MAST2: variants seen among roughly 807,000 people sequenced by gnomAD.
MAST2 encodes microtubule-associated serine/threonine-protein kinase 2.
A neutral mutation model predicts 147.4 loss-of-function variants in MAST2; 70 were observed. The observed-to-expected ratio is 0.47, with a 90% CI of 0.39 to 0.58. The LOEUF is 0.58. Among genes scored for constraint, MAST2 ranks in the 20% least tolerant of loss-of-function variants. The pLI, the probability that MAST2 is intolerant of heterozygous loss-of-function variation, is 0.00. For missense variants in MAST2, 2,080 were observed against 2,302.3 expected, an observed-to-expected ratio of 0.90 and a Z score of 1.98; for synonymous variants, 869 against 896.8, an observed-to-expected ratio of 0.97 and a Z score of 0.55.
intron 4 of MAST2, among the ~76,000 whole-genome samples, chr1:45,934,369 C>T (rs1368124862): frequency 6.6e-6 from 1 of 152,144 alleles, no homozygotes; most frequent in Non-Finnish European, 1.5e-5. Context: ...GCCTGTATTT[C>T]CAGCTACTCG....
chr1:45,848,599 T>G (rs530982121), intron 3 of MAST2, among the ~76,000 whole-genome samples: 10 of 152,334 alleles, frequency 6.6e-5, no homozygotes, highest in African/African-American at 1.9e-4. Flanking sequence ...CTCATGCACC[T>G]TTTCCATATG....
At chr1:45,804,854 G>A (rs1644092234) in intron 1 of MAST2, among the ~76,000 whole-genome samples, 1 of 152,224 alleles carries the variant, frequency 6.6e-6, no homozygotes, top group Admixed American at 6.5e-5. Context: ...GCGGTAATAA[G>A]TTTAGTGAAA....
chr1:46,006,904 A>G (rs904117918), intron 8 of MAST2, among the ~76,000 whole-genome samples: 2 of 152,228 alleles, frequency 1.3e-5, no homozygotes, highest in Admixed American at 1.3e-4. Flanking sequence ...CCCTGGGTGT[A>G]TGATCTAGGC....
intron 4 of MAST2, among the ~76,000 whole-genome samples, chr1:45,909,933 C>T (rs1352307319): frequency 6.6e-6 from 1 of 152,062 alleles, no homozygotes; most frequent in Non-Finnish European, 1.5e-5. Context: ...CTGCCTCAGC[C>T]AGGCTGGTCT....
chr1:45,875,259 A>G (rs1646555512), intron 3 of MAST2, among the ~76,000 whole-genome samples: 1 of 152,198 alleles, frequency 6.6e-6, no homozygotes, highest in African/African-American at 2.4e-5. Context: ...CAGCCTTACC[A>G]ACATGGGGAA....
chr1:45,982,047 C>T (rs529099216), intron 5 of MAST2, among the ~76,000 whole-genome samples: 7 of 152,204 alleles, frequency 4.6e-5, no homozygotes, highest in East Asian at 3.9e-4. Flanking sequence ...CGGAGTTTCA[C>T]CATGTTTGCC....
intron 16 of MAST2, among the ~76,000 whole-genome samples, chr1:46,026,374 G>A (rs1375111007): frequency 1.3e-5 from 2 of 152,224 alleles, no homozygotes; most frequent in Middle Eastern, 3.2e-3. Context: ...CGACAGCTTA[G>A]ATGGTGAGAG....
chr1:45,940,613 G>C (rs957611395), intron 4 of MAST2, among the ~76,000 whole-genome samples: 2 of 149,768 alleles, frequency 1.3e-5, no homozygotes, highest in Non-Finnish European at 3.0e-5. Flanking sequence ...GCAAAGAGAA[G>C]GTTGAGGATT....
chr1:46,033,134 C>T (rs1383193289), intron 26 of MAST2, among the ~76,000 whole-genome samples: 1 of 151,982 alleles, frequency 6.6e-6, no homozygotes, highest in African/African-American at 2.4e-5. Context: ...ATTAGCCAAG[C>T]GTGGTGGTAG....
intron 6 of MAST2, 74 bp downstream of exon 6, chr1:45,997,873 C>A: frequency 8.1e-7 from 1 of 1,240,996 alleles, no homozygotes; most frequent in Non-Finnish European, 1.2e-6. Context: ...ATGTCAGATT[C>A]CTCCTTTAAG....
At chr1:46,033,177 G>A (rs1015516735) in intron 26 of MAST2, among the ~76,000 whole-genome samples, 4 of 151,946 alleles carry the variant, frequency 2.6e-5, no homozygotes, top group Admixed American at 2.0e-4. Context: ...GGGAGGCTGA[G>A]GAAGGAGAAT....
At chr1:45,815,092 T>C (rs577710980) in intron 1 of MAST2, among the ~76,000 whole-genome samples, 3 of 152,192 alleles carry the variant, frequency 2.0e-5, no homozygotes, top group Non-Finnish European at 4.4e-5. Context: ...GCATATATCC[T>C]TTAACCATTA....
intron 3 of MAST2, among the ~76,000 whole-genome samples, chr1:45,858,422 T>C (rs1645864337): frequency 6.6e-6 from 1 of 152,138 alleles, no homozygotes; most frequent in Non-Finnish European, 1.5e-5. Flanking sequence ...TTTTGAGAAG[T>C]GTCTGTTCAT....
chr1:45,881,770 G>A (rs953028361), intron 3 of MAST2, among the ~76,000 whole-genome samples: 2 of 151,900 alleles, frequency 1.3e-5, no homozygotes, highest in African/African-American at 4.8e-5. Flanking sequence ...ATCTACACTG[G>A]GGAGATGGTT....
Position 46,031,597 on chromosome 1 carries a change from G to T in MAST2, c.3187+12G>T. 1.2e-6 allele frequency: 2 copies of T among 1,604,594 alleles called. No homozygotes were observed. On this transcript the variant is annotated intron_variant, in intron 24 of 28. Transcript: ENST00000361297. The surrounding 1 kb of genome is among the most constrained non-coding windows in gnomAD (Gnocchi z 4.1). ...CCTCATTCCTTCGGGTGAGGCCCCT[G>T]GGGAGCTGGGATAAAACTCACAGGA...
intron 4 of MAST2, among the ~76,000 whole-genome samples, chr1:45,924,755 C>A (rs963661620): frequency 3.9e-5 from 6 of 152,086 alleles, no homozygotes; most frequent in Non-Finnish European, 5.9e-5. Context: ...TTTAAAGGGG[C>A]AATTAAGGTT....
At chr1:46,029,131 C>T (rs530481984) in intron 18 of MAST2, 198 bp downstream of exon 18, 4 of 598,830 alleles carry the variant, frequency 6.7e-6, no homozygotes, top group Non-Finnish European at 1.1e-5. Context: ...TGGGGCTTCA[C>T]ATGTCTCTCA....
chr1:45,982,068 C>A (rs958445544), intron 5 of MAST2, among the ~76,000 whole-genome samples: 3 of 152,154 alleles, frequency 2.0e-5, no homozygotes, highest in Non-Finnish European at 4.4e-5. Flanking sequence ...AGACTGGTCC[C>A]AAACTCCTGA....
At chr1:46,032,790 G>A (rs1330840058) in intron 26 of MAST2, 72 bp downstream of exon 26, 1 of 1,539,540 alleles carries the variant, frequency 6.5e-7, no homozygotes, top group Non-Finnish European at 8.8e-7. Context: ...GGCAGTTAGG[G>A]GAGTGGGTGA....
Sources: gnomAD v4.1 joint callset for allele counts (sites outside exome capture counted in the v4.1 genomes callset) on GRCh38, gnomAD v4.1.1 for gene constraint, Gnocchi (gnomAD v3.1) non-coding constraint, MANE v1.5 for transcripts, NCBI Gene and HGNC (gene_info 2026-07-23, HGNC 2026-07-21) for gene names.